Variants in TYW1B observed in about 807,000 individuals in gnomAD.
TYW1B encodes S-adenosyl-L-methionine-dependent tRNA 4-demethylwyosine synthase TYW1B.
In TYW1B, 73 loss-of-function variants were observed where a neutral mutation model predicts 86.9. The observed-to-expected ratio is 0.84, with a 90% confidence interval of 0.70 to 1.02. The LOEUF is 1.02. Ranked by LOEUF, TYW1B falls within the 50% of genes least tolerant of loss-of-function variation. TYW1B has a pLI of 0.00. For missense variants in TYW1B, 637 were observed against 827.4 expected, an observed-to-expected ratio of 0.77 and a Z score of 2.82; for synonymous variants, 248 against 292.8, an observed-to-expected ratio of 0.85 and a Z score of 1.56.
intron 12 of TYW1B, among the ~76,000 whole-genome samples, chr7:72,618,823 T>C (rs2129568458): frequency 6.6e-6 from 1 of 152,268 alleles, no homozygotes; most frequent in East Asian, 1.9e-4. Flanking sequence ...CAGAAATCCT[T>C]GTGTTTGCAG....
intron 11 of TYW1B, among the ~76,000 whole-genome samples, chr7:72,662,418 T>TACAGATAGATAG (rs1293459145): frequency 2.4e-4 from 12 of 49,364 alleles, no homozygotes; most frequent in African/African-American, 4.3e-4. Flanking sequence ...AGGTTTTTAA[T>TACAGATAGATAG]ATATATATAT....
rs541312242 is a variant in TYW1B at position 72,709,323 on chromosome 7, C to T, written c.1370+4298G>A. Reference sequence around the variant, plus strand: ...AAATGCAACACAATTTGCCTGCTTACTCCCTGAAGCACAGCACCCTTCATA... The same window carrying T: ...AAATGCAACACAATTTGCCTGCTTATTCCCTGAAGCACAGCACCCTTCATA... On this transcript the variant is annotated intron_variant, in intron 10 of 13. Transcript: ENST00000620995. 5.4e-4 allele frequency among the ~76,000 whole-genome samples: 83 copies of T among 152,326 alleles called. 1 individual carries two copies. The highest frequency in any genetic ancestry group is 4.8e-3 in the Admixed American group (74 of 15,306).
chr7:72,780,633 C>T lies in TYW1B; in HGVS notation c.847-3100G>A, dbSNP rs1788034957. 3.9e-5 allele frequency among the ~76,000 whole-genome samples: 6 copies of T among 152,180 alleles called. No homozygotes were observed. The South Asian group carries it at 1.2e-3, about 32-fold the overall frequency. On this transcript the variant is annotated intron_variant, in intron 6 of 13. Transcript: ENST00000620995. ...ACGGCCATGGAATACTGTCTCTGTC[C>T]CTTCACTAGAGAAAGTATCTATTAT...
intron 11 of TYW1B, among the ~76,000 whole-genome samples, chr7:72,636,297 GTATC>G (rs1411640331): frequency 2.0e-5 from 3 of 152,062 alleles, no homozygotes; most frequent in Non-Finnish European, 4.4e-5. Flanking sequence ...AGCTGACTGT[GTATC>G]TATATAGCAG....
At chr7:72,667,653 C>G (rs113060752) in intron 11 of TYW1B, among the ~76,000 whole-genome samples, 1 of 152,148 alleles carries the variant, frequency 6.6e-6, no homozygotes, top group Non-Finnish European at 1.5e-5. Flanking sequence ...GTGGAGGCTG[C>G]AGTGAGCTGA....
rs534266129 is a variant in TYW1B at position 72,615,453 on chromosome 7, T to C, written c.1785+1219A>G. 2.4e-4 allele frequency among the ~76,000 whole-genome samples: 36 copies of C among 152,254 alleles called. 1 individual carries two copies. Among genetic ancestry groups the C allele is most frequent in the Middle Eastern group, 3.4e-3 (1 of 294 alleles). On this transcript the variant is annotated intron_variant, in intron 13 of 13. Coordinates refer to ENST00000620995, the MANE Select transcript of TYW1B (RefSeq NM_001145440.3). ...AAAAGTGAGAGGGTTAAATCACATATCTAAAACACCTCAGAAGAGATCTTC... is the reference window on the plus strand; with the variant it reads ...AAAAGTGAGAGGGTTAAATCACATACCTAAAACACCTCAGAAGAGATCTTC...
At chr7:72,609,324 C>T (rs1237247189) in intron 13 of TYW1B, among the ~76,000 whole-genome samples, 20 of 151,892 alleles carry the variant, frequency 1.3e-4, no homozygotes, top group South Asian at 4.2e-4. Context: ...TTTGGGAGGC[C>T]GAGGTGGGAG....
At chr7:72,614,377 A>G (rs1812015407) in intron 13 of TYW1B, among the ~76,000 whole-genome samples, 1 of 152,156 alleles carries the variant, frequency 6.6e-6, no homozygotes, top group Non-Finnish European at 1.5e-5. Flanking sequence ...CCATGCCTGT[A>G]ATCCCAGCAC....
intron 12 of TYW1B, among the ~76,000 whole-genome samples, chr7:72,626,687 C>G (rs1362768138): frequency 2.0e-5 from 3 of 152,210 alleles, no homozygotes; most frequent in African/African-American, 7.2e-5. Context: ...TATAACCTAG[C>G]AAAACGTTTT....
At chr7:72,747,964 T>A (rs1554464129) in intron 7 of TYW1B, among the ~76,000 whole-genome samples, 1 of 152,158 alleles carries the variant, frequency 6.6e-6, no homozygotes, top group African/African-American at 2.4e-5. Flanking sequence ...GGTTTTCACA[T>A]GTTCATTGTT....
intron 12 of TYW1B, among the ~76,000 whole-genome samples, chr7:72,622,143 T>G (rs1265241648): frequency 6.6e-6 from 1 of 152,150 alleles, no homozygotes; most frequent in Non-Finnish European, 1.5e-5. Flanking sequence ...GGTTGTAACA[T>G]GAAACCTTTT....
intron 11 of TYW1B, among the ~76,000 whole-genome samples, chr7:72,683,811 C>T (rs1813941547): frequency 6.6e-6 from 1 of 152,090 alleles, no homozygotes; most frequent in Non-Finnish European, 1.5e-5. Flanking sequence ...TGGGATAACC[C>T]GACCAGATGC....
At chr7:72,826,630 A>G (rs1447843222) in intron 2 of TYW1B, among the ~76,000 whole-genome samples, 1 of 152,242 alleles carries the variant, frequency 6.6e-6, no homozygotes, top group Non-Finnish European at 1.5e-5. Flanking sequence ...CATTACAAAA[A>G]TCTTCCTGTA....
At chr7:72,645,964 T>C (rs1208536663) in intron 11 of TYW1B, among the ~76,000 whole-genome samples, 5 of 148,334 alleles carry the variant, frequency 3.4e-5, no homozygotes, top group Non-Finnish European at 5.9e-5. Context: ...TATATAATTA[T>C]ATATTATATA....
At chr7:72,587,205 G>T (rs2129567740) in intron 13 of TYW1B, among the ~76,000 whole-genome samples, 1 of 152,234 alleles carries the variant, frequency 6.6e-6, no homozygotes, top group South Asian at 2.1e-4. Context: ...GTCTGAGGGA[G>T]AAGTGATTTT....
chr7:72,727,975 A>G (rs1217997258), intron 9 of TYW1B, among the ~76,000 whole-genome samples: 1 of 152,184 alleles, frequency 6.6e-6, no homozygotes, highest in South Asian at 2.1e-4. Context: ...AGTGAAGTCA[A>G]TATTTGTTAA....
At chr7:72,663,737 C>G (rs1813391255) in intron 11 of TYW1B, among the ~76,000 whole-genome samples, 1 of 117,100 alleles carries the variant, frequency 8.5e-6, no homozygotes, top group African/African-American at 3.4e-5. Flanking sequence ...GCACTCCAGC[C>G]TGGGAGACAG....
At chr7:72,638,691 A>G (rs1367002433) in intron 11 of TYW1B, among the ~76,000 whole-genome samples, 1 of 152,254 alleles carries the variant, frequency 6.6e-6, no homozygotes, top group African/African-American at 2.4e-5. Context: ...AATACAAAGA[A>G]AACAGATTTG....
intron 13 of TYW1B, among the ~76,000 whole-genome samples, chr7:72,602,516 T>C (rs1489590401): frequency 6.6e-6 from 1 of 152,124 alleles, no homozygotes; most frequent in African/African-American, 2.4e-5. Context: ...ACAATGAGCA[T>C]ACCTTCCCCA....
Sources: gnomAD v4.1 joint callset for allele counts (sites outside exome capture counted in the v4.1 genomes callset) on GRCh38, gnomAD v4.1.1 for gene constraint, MANE v1.5 for transcripts, NCBI Gene and HGNC (gene_info 2026-07-23, HGNC 2026-07-21) for gene names.